The following PLXNA2 variants were observed in gnomAD, a reference collection of about 807,000 sequenced individuals.
PLXNA2 encodes the protein plexin A2.
A neutral mutation model predicts 193.5 loss-of-function variants in PLXNA2; 91 were observed. That is an observed-to-expected ratio of 0.47 (90% CI 0.40 to 0.56). The LOEUF (loss-of-function observed/expected upper bound fraction) is 0.56. Among genes scored for constraint, PLXNA2 ranks in the 20% least tolerant of loss-of-function variants. PLXNA2 has a pLI of 0.00. For missense variants in PLXNA2, 1,995 were observed against 2,503.2 expected (o/e 0.80, Z 4.33); for synonymous variants, 997 against 1,027.3 (o/e 0.97, Z 0.56).
intron 3 of PLXNA2, among the ~76,000 whole-genome samples, chr1:208,187,501 G>A (rs1670046966): frequency 6.6e-6 from 1 of 152,158 alleles, no homozygotes; most frequent in African/African-American, 2.4e-5. Context: ...TGAACAACTC[G>A]AGCTCTGAAA....
At chr1:208,243,019 C>A (rs566913475) in intron 1 of PLXNA2, among the ~76,000 whole-genome samples, 3 of 152,294 alleles carry the variant, frequency 2.0e-5, no homozygotes, top group East Asian at 1.9e-4. Flanking sequence ...CCCTGCTGGG[C>A]GATACACCGC....
intron 4 of PLXNA2, among the ~76,000 whole-genome samples, chr1:208,128,652 C>G (rs1038899902): frequency 3.3e-5 from 5 of 151,324 alleles, no homozygotes; most frequent in Non-Finnish European, 7.4e-5. Flanking sequence ...TTTCCCCCTC[C>G]TCTCTTTCTT....
rs532003080 is a variant in PLXNA2 at position 208,054,789 on chromosome 1, TGC to T, written c.2739-253_2739-252del. Among the ~76,000 whole-genome samples, 11 of 152,362 alleles carry T rather than the reference TGC, an allele frequency of 7.2e-5. No homozygotes were observed. The East Asian group carries it at 2.1e-3, about 29-fold the overall frequency. ...AGCCCTGTGTGCCTCTGATATGCTC[TGC>T]TGCCTAATTCTGTGGCCATTTCTGT... On this transcript the variant is annotated intron_variant, in intron 13 of 31. Coordinates refer to ENST00000367033, the MANE Select transcript of PLXNA2 (RefSeq NM_025179.4).
At chr1:208,058,206 ATCTGCTCCATGTGGAGCCCCTG>A (rs1214685665) in intron 13 of PLXNA2, among the ~76,000 whole-genome samples, 1 of 152,202 alleles carries the variant, frequency 6.6e-6, no homozygotes, top group African/African-American at 2.4e-5. Flanking sequence ...TCTAAGGGGA[ATCTGCTCCATGTGGAGCCCCTG>A]TCCCAGGAGG....
intron 4 of PLXNA2, among the ~76,000 whole-genome samples, chr1:208,123,278 G>A (rs766017167): frequency 4.6e-5 from 7 of 152,204 alleles, no homozygotes; most frequent in Non-Finnish European, 7.3e-5. Flanking sequence ...AGGCAAGAAG[G>A]TGAAAGAAAG....
rs1207626399 is a variant in PLXNA2 at position 208,027,216 on chromosome 1, C to T, written c.*27G>A. 1 of 1,590,926 alleles carries T rather than the reference C, an allele frequency of 6.3e-7. No homozygotes were observed. The highest frequency in any genetic ancestry group is 8.6e-7 in the Non-Finnish European group (1 of 1,160,506). ...AGTGTGACAGCTTGGACAGGTCCCTCTTCCCAGGAATGCGAGGCTCCTCCT... is the reference window on the plus strand; with the variant it reads ...AGTGTGACAGCTTGGACAGGTCCCTTTTCCCAGGAATGCGAGGCTCCTCCT... On this transcript the variant is annotated 3_prime_UTR_variant, in exon 32 of 32. Coordinates refer to ENST00000367033, the MANE Select transcript of PLXNA2 (RefSeq NM_025179.4).
At chr1:208,113,093 A>G (rs996313458) in intron 4 of PLXNA2, among the ~76,000 whole-genome samples, 6 of 150,776 alleles carry the variant, frequency 4.0e-5, no homozygotes, top group African/African-American at 1.5e-4. Flanking sequence ...AGCAGCTGGG[A>G]TAGGAAATGG....
chr1:208,110,817 A>G (rs573050853), intron 4 of PLXNA2, among the ~76,000 whole-genome samples: 1 of 152,206 alleles, frequency 6.6e-6, no homozygotes, highest in Non-Finnish European at 1.5e-5. Context: ...AGCTGCCCCA[A>G]AAGCGGCCAC....
At chr1:208,155,650 G>A (rs1401055333) in intron 3 of PLXNA2, among the ~76,000 whole-genome samples, 1 of 152,298 alleles carries the variant, frequency 6.6e-6, no homozygotes, top group East Asian at 1.9e-4. Context: ...AGGACCAAGG[G>A]GATGTGCCTG....
At chr1:208,175,670 G>A (rs1482967690) in intron 3 of PLXNA2, among the ~76,000 whole-genome samples, 1 of 152,162 alleles carries the variant, frequency 6.6e-6, no homozygotes, top group African/African-American at 2.4e-5. Flanking sequence ...GGGGCCAGCT[G>A]TCTCCACAAC....
intron 4 of PLXNA2, among the ~76,000 whole-genome samples, chr1:208,113,453 C>T (rs562095789): frequency 2.0e-5 from 3 of 152,250 alleles, no homozygotes; most frequent in East Asian, 1.9e-4. Context: ...CAGGGCCCTG[C>T]CCTTTTGATT....
At chr1:208,158,603 T>C (rs991524773) in intron 3 of PLXNA2, among the ~76,000 whole-genome samples, 7 of 152,192 alleles carry the variant, frequency 4.6e-5, no homozygotes, top group Non-Finnish European at 2.9e-5. Flanking sequence ...AATTTTTTCC[T>C]GTAATTAAAA....
At position 208,216,807 on chromosome 1, in the gene PLXNA2, C is replaced by T. The variant is rs779618979; in HGVS notation, c.1116G>A (p.Gln372=). Residue 372 remains glutamine, a synonymous_variant, in exon 2 of 32, where the codon CAG becomes CAA. Coordinates refer to ENST00000367033, the MANE Select transcript of PLXNA2 (RefSeq NM_025179.4). The stretch of plus-strand genomic sequence containing the variant: ...GGTTGCCCTCGCCCTGGTAGCAGGA[C>T]TGCAGGCGCTCCTTGATCTGCAAGT... The part of the protein sequence containing the change: ...AINLQIKERL[Q]SCYQGEGNLE... The T allele has an allele frequency of 1.2e-5, 20 of 1,614,058 alleles. No individual in the cohort carries two copies. The African/African-American group carries it at 2.3e-4, about 18-fold the overall frequency.
chr1:208,190,099 A>T (rs896824298), intron 3 of PLXNA2, among the ~76,000 whole-genome samples: 2 of 152,284 alleles, frequency 1.3e-5, no homozygotes, highest in East Asian at 3.9e-4. Context: ...TCGATTGTGT[A>T]TGTGTGTGTA....
Position 208,038,949 on chromosome 1 carries a change from A to G in PLXNA2, c.4536T>C (p.Ser1512=), listed in dbSNP as rs141232026. 220 of 1,613,990 alleles carry G rather than the reference A, an allele frequency of 1.4e-4. No homozygotes were observed. In the African/African-American group the frequency reaches 2.6e-3, roughly 19 times the overall value. Residue 1512 remains serine, a synonymous_variant, in exon 25 of 32, where the codon AGT becomes AGC. Transcript: ENST00000367033. The surrounding 1 kb of genome is among the most constrained non-coding windows in gnomAD (Gnocchi z 4.1). Reference sequence around the variant, plus strand: ...TTAACACCTTCACTGGGATCTCTGGACTGTTCTCGTTGTCAGGGTTGACGC... The same window carrying G: ...TTAACACCTTCACTGGGATCTCTGGGCTGTTCTCGTTGTCAGGGTTGACGC... The part of the protein sequence containing the change: ...LNCVNPDNEN[S]PEIPVKVLNC...
At chr1:208,086,310 C>CT (rs138862486) in intron 9 of PLXNA2, among the ~76,000 whole-genome samples, 3,392 of 145,274 alleles carry the variant, frequency 0.023, 45 homozygotes, top group Middle Eastern at 0.041. Context: ...GTGAAAAAAT[C>CT]TTTTTTTTTT....
chr1:208,099,441 G>A (rs1571914494), intron 5 of PLXNA2, among the ~76,000 whole-genome samples: 1 of 152,188 alleles, frequency 6.6e-6, no homozygotes, highest in Non-Finnish European at 1.5e-5. Flanking sequence ...ATGAAGTAAA[G>A]TTACAAAGTC....
At chr1:208,219,499 A>C (rs1460214378) in intron 1 of PLXNA2, among the ~76,000 whole-genome samples, 3 of 152,188 alleles carry the variant, frequency 2.0e-5, no homozygotes, top group Non-Finnish European at 4.4e-5. Flanking sequence ...AACTCTGGGC[A>C]CATAAGGTGG....
At chr1:208,221,381 G>GTTTTTTT (rs33915614) in intron 1 of PLXNA2, among the ~76,000 whole-genome samples, 1 of 58,080 alleles carries the variant, frequency 1.7e-5, no homozygotes, top group Non-Finnish European at 3.1e-5. Flanking sequence ...TTCTTTTTCT[G>GTTTTTTT]TTTTTTTTTT....
Sources: allele counts gnomAD v4.1 joint callset (sites outside exome capture counted in the v4.1 genomes callset), GRCh38; gene constraint gnomAD v4.1.1; non-coding constraint Gnocchi (gnomAD v3.1); transcripts MANE v1.5; gene names NCBI Gene and HGNC (gene_info 2026-07-23, HGNC 2026-07-21).